The following FMN2 variants were observed in gnomAD, a reference collection of about 807,000 sequenced individuals.
FMN2 encodes the protein formin-2.
FMN2 carries 51 observed loss-of-function variants against 142.3 expected under a neutral mutation model. The ratio of observed to expected loss-of-function variants is 0.36; its 90% CI spans 0.29 to 0.45. The LOEUF is 0.45. Among genes scored for constraint, FMN2 ranks in the 20% least tolerant of loss-of-function variants. The pLI is 1.00. For synonymous variants in FMN2, 882 were observed against 869.8 expected (o/e 1.01, Z -0.25); for missense variants, 1,936 against 2,122.8 (o/e 0.91, Z 1.73).
chr1:240,227,047 G>A (rs1051287425), intron 6 of FMN2, among the ~76,000 whole-genome samples: 3 of 152,156 alleles, frequency 2.0e-5, no homozygotes, highest in Admixed American at 6.6e-5. Context: ...TGGAATGGAA[G>A]CAGCAAAACA....
At position 240,121,379 on chromosome 1, in the gene FMN2, T is replaced by TA. The variant is rs1382670371; in HGVS notation, c.1616-1800_1616-1799insA. Among the ~76,000 whole-genome samples, 222 of 143,150 alleles carry TA rather than the reference T, an allele frequency of 1.6e-3. 1 individual carries two copies. Among genetic ancestry groups the TA allele is most frequent in the African/African-American group, 5.6e-3 (210 of 37,780 alleles). The allele number at this position is 143,150 out of a possible 152,430, so 93.9% of individuals were successfully genotyped here. ...AGCCAGTGTCTTATTTTTTTTATTT[T>TA]TATTTTTTTTTTTTTGAGACGGAGT... On this transcript the variant is annotated intron_variant, in intron 1 of 17. Coordinates refer to ENST00000319653, the MANE Select transcript of FMN2 (RefSeq NM_020066.5).
intron 14 of FMN2, among the ~76,000 whole-genome samples, chr1:240,361,246 T>C (rs568213485): frequency 2.7e-5 from 4 of 148,068 alleles, no homozygotes; most frequent in Non-Finnish European, 6.0e-5. Context: ...AAATTGGTAG[T>C]TGCGTCGTGG....
At chr1:240,372,702 A>G (rs534558261) in intron 14 of FMN2, among the ~76,000 whole-genome samples, 2 of 150,002 alleles carry the variant, frequency 1.3e-5, no homozygotes, top group East Asian at 3.9e-4. Context: ...GGGAGATATT[A>G]CAGACCACCA....
chr1:240,138,926 C>T (rs1663066955), intron 2 of FMN2, among the ~76,000 whole-genome samples: 1 of 152,134 alleles, frequency 6.6e-6, no homozygotes, highest in Admixed American at 6.6e-5. Context: ...AAGGCAGATT[C>T]TAATTATACT....
Position 240,092,831 on chromosome 1 carries a change from C to T in FMN2, c.722C>T (p.Pro241Leu), listed in dbSNP as rs867969810. Residue 241 changes from proline to leucine, a missense_variant, in exon 1 of 18, where the codon CCT (proline) becomes CTT (leucine). Around this residue, in one of 8 missense-constraint regions of FMN2, gnomAD observed 751 missense variants for 791.8 expected, o/e 0.95. Transcript: ENST00000319653. ...GCAGCGCCCCCCACTGCCGTCTCCC[C>T]TCAGCCCGGGGCCTTCCTGGGCCTG... is the stretch of plus-strand genomic sequence containing the variant. Reference protein sequence around the residue: ...EPAAPPTAVSPQPGAFLGLDR... With the variant: ...EPAAPPTAVSLQPGAFLGLDR... 1.0e-5 allele frequency: 16 copies of T among 1,564,324 alleles called. No individual in the cohort carries two copies. Among genetic ancestry groups the T allele is most frequent in the Non-Finnish European group, 1.3e-5 (15 of 1,156,374 alleles).
chr1:240,163,715 T>TAA (rs1335968583), intron 2 of FMN2, among the ~76,000 whole-genome samples: 1 of 152,118 alleles, frequency 6.6e-6, no homozygotes, highest in Non-Finnish European at 1.5e-5. Flanking sequence ...TGCTTGGATT[T>TAA]AAAGTACTAT....
intron 7 of FMN2, among the ~76,000 whole-genome samples, chr1:240,269,078 A>T (rs141048312): frequency 6.6e-6 from 1 of 151,830 alleles, no homozygotes; most frequent in Non-Finnish European, 1.5e-5. Flanking sequence ...TCTATTTTCT[A>T]CTTTCATTGC....
intron 4 of FMN2, among the ~76,000 whole-genome samples, chr1:240,201,588 T>A (rs1307246914): frequency 2.6e-5 from 4 of 152,226 alleles, no homozygotes; most frequent in African/African-American, 7.2e-5. Context: ...ATGTCATATA[T>A]CATGGCACCA....
intron 2 of FMN2, among the ~76,000 whole-genome samples, chr1:240,156,910 CAA>C (rs984595856): frequency 6.6e-5 from 10 of 152,058 alleles, no homozygotes; most frequent in Admixed American, 2.6e-4. Context: ...GATCTAGAAA[CAA>C]AGAGGATTTA....
intron 1 of FMN2, among the ~76,000 whole-genome samples, chr1:240,111,753 G>A (rs76475230): frequency 0.031 from 4,716 of 152,088 alleles, 188 homozygotes; most frequent in African/African-American, 0.099. Flanking sequence ...AGTAGGTCTC[G>A]GTCTCATTTT....
intron 15 of FMN2, among the ~76,000 whole-genome samples, chr1:240,416,796 A>G (rs1674593527): frequency 6.8e-6 from 1 of 147,666 alleles, no homozygotes; most frequent in Non-Finnish European, 1.5e-5. Flanking sequence ...TTGGCTTTCT[A>G]TTTCACAAAT....
chr1:240,354,529 G>C (rs760821674), intron 13 of FMN2, among the ~76,000 whole-genome samples: 3 of 152,288 alleles, frequency 2.0e-5, no homozygotes, highest in Middle Eastern at 6.8e-3. Context: ...AAATTCTCCA[G>C]CATCCAGCCT....
intron 7 of FMN2, among the ~76,000 whole-genome samples, chr1:240,279,080 G>C (rs1368218763): frequency 6.6e-6 from 1 of 152,176 alleles, no homozygotes; most frequent in South Asian, 2.1e-4. Flanking sequence ...AGTGTTATAT[G>C]ATGGACACGT....
In FMN2 at chr1:240,393,924, G is replaced by A. The variant is rs10926238; in HGVS notation, c.4910+1362G>A. 6.4e-3 allele frequency among the ~76,000 whole-genome samples: 971 copies of A among 152,220 alleles called. 14 individuals are homozygous for A. Among genetic ancestry groups the A allele is most frequent in the African/African-American group, 0.022 (908 of 41,562 alleles). ...AAAGCCAATCACTGAGATGAGTATT[G>A]CCAGGGAAGAAGGCTTTAATTGGGT... On this transcript the variant is annotated intron_variant, in intron 15 of 17. Transcript: ENST00000319653.
At chr1:240,304,047 C>T (rs1034397522) in intron 8 of FMN2, among the ~76,000 whole-genome samples, 32 of 152,090 alleles carry the variant, frequency 2.1e-4, no homozygotes, top group African/African-American at 7.5e-4. Context: ...TTTTCTATCT[C>T]TTTATTAATA....
chr1:240,467,043 G>A (rs2103240184), intron 16 of FMN2, among the ~76,000 whole-genome samples: 1 of 152,270 alleles, frequency 6.6e-6, no homozygotes, highest in Middle Eastern at 3.4e-3. Context: ...CTTAAGGTAG[G>A]CATGCTGGCT....
chr1:240,269,394 C>T (rs1298854302), intron 7 of FMN2, among the ~76,000 whole-genome samples: 1 of 151,998 alleles, frequency 6.6e-6, no homozygotes, highest in Non-Finnish European at 1.5e-5. Flanking sequence ...TTCTATTCCA[C>T]TGGACGATGT....
At chr1:240,263,469 AG>A (rs1232417144) in intron 7 of FMN2, among the ~76,000 whole-genome samples, 1 of 152,224 alleles carries the variant, frequency 6.6e-6, no homozygotes, top group Non-Finnish European at 1.5e-5. Flanking sequence ...TGGAAGAGGT[AG>A]GAGTGGAGCA....
chr1:240,114,944 C>G (rs569277232), intron 1 of FMN2, among the ~76,000 whole-genome samples: 1 of 152,294 alleles, frequency 6.6e-6, no homozygotes, highest in Non-Finnish European at 1.5e-5. Context: ...GCGTGAGCCA[C>G]CGCGCCCGGC....
Sources: gnomAD v4.1 joint callset for allele counts (sites outside exome capture counted in the v4.1 genomes callset) on GRCh38, gnomAD v4.1.1 for gene constraint, gnomAD v4.1.1 regional missense constraint, MANE v1.5 for transcripts, NCBI Gene and HGNC (gene_info 2026-07-23, HGNC 2026-07-21) for gene names.